The following MRPS5 variants were observed in gnomAD, a reference collection of about 807,000 sequenced individuals.
MRPS5 encodes small ribosomal subunit protein uS5m.
A neutral mutation model predicts 51.9 loss-of-function variants in MRPS5; 27 were observed. The ratio of observed to expected loss-of-function variants is 0.52; its 90% confidence interval spans 0.38 to 0.72. MRPS5 has a LOEUF of 0.72. MRPS5 is among the 30% of genes least tolerant of loss of function. The pLI, the probability that MRPS5 is intolerant of heterozygous loss-of-function variation, is 0.00. For synonymous variants in MRPS5, 196 were observed against 193.2 expected (o/e 1.01, Z -0.12); for missense variants, 570 against 545.7 (o/e 1.04, Z -0.44).
chr2:95,098,700 G>C (rs1653763702), intron 10 of MRPS5, among the ~76,000 whole-genome samples: 1 of 152,040 alleles, frequency 6.6e-6, no homozygotes, highest in African/African-American at 2.4e-5. Context: ...GTTGGGGGCA[G>C]TGGGGGAGGG....
intron 9 of MRPS5, 82 bp from the exon 10 acceptor site, chr2:95,100,618 C>T: frequency 9.3e-7 from 1 of 1,076,246 alleles, no homozygotes; most frequent in South Asian, 1.4e-5. Flanking sequence ...GCAATGTATA[C>T]TAGCCTCAAC....
In MRPS5 at chr2:95,086,953, G is replaced by A. The variant is rs2104387516; in HGVS notation, c.*404C>T. Among the ~76,000 whole-genome samples the A allele has an allele frequency of 6.6e-6, 1 of 152,250 alleles. No homozygotes were observed. Among genetic ancestry groups the A allele is most frequent in the Middle Eastern group, 3.4e-3 (1 of 294 alleles). On this transcript the variant is annotated 3_prime_UTR_variant, in exon 12 of 12. Coordinates refer to ENST00000272418, the MANE Select transcript of MRPS5 (RefSeq NM_031902.5). ...GAAAACGGTTTGGAAGTTCCTCACG[G>A]TAGTCAAGTTACTTAACTGCTCTGT...
At chr2:95,117,812 C>A in intron 2 of MRPS5, 53 bp downstream of exon 2, 1 of 1,410,566 alleles carries the variant, frequency 7.1e-7, no homozygotes, top group South Asian at 1.3e-5. Flanking sequence ...ACTACAGAAA[C>A]TACTTTGACA....
intron 10 of MRPS5, among the ~76,000 whole-genome samples, chr2:95,096,990 G>A (rs1391255893): frequency 6.6e-6 from 1 of 152,172 alleles, no homozygotes; most frequent in East Asian, 1.9e-4. Flanking sequence ...CTTCAGCAAA[G>A]TCTCAGGATA....
chr2:95,118,049 G>A (rs1053949029), intron 1 of MRPS5, 104 bp from the exon 2 acceptor site: 16 of 800,942 alleles, frequency 2.0e-5, no homozygotes, highest in Admixed American at 3.2e-5. Flanking sequence ...GAACCAAGAC[G>A]AGGGAGTAAG....
intron 10 of MRPS5, among the ~76,000 whole-genome samples, chr2:95,096,506 T>C (rs1357213785): frequency 6.6e-6 from 1 of 152,174 alleles, no homozygotes; most frequent in Admixed American, 6.5e-5. Context: ...AAGCCAGCTT[T>C]ATTCCTGGGA....
At chr2:95,103,667 CAACTT>C (rs1310648215) in intron 7 of MRPS5, 2 of 152,056 alleles carry the variant, frequency 1.3e-5, no homozygotes, top group East Asian at 1.9e-4. Context: ...AATTTGGAAA[CAACTT>C]AAATATTCAG....
In MRPS5 at chr2:95,087,226, T is replaced by C; in HGVS notation, c.*131A>G. On this transcript the variant is annotated 3_prime_UTR_variant, in exon 12 of 12. Coordinates refer to ENST00000272418, the MANE Select transcript of MRPS5 (RefSeq NM_031902.5). ...AACAAATGAAAGCTATAATTATTTATTTCCAAAGAGTTTAAAGATTAAACT... is the reference window on the plus strand; with the variant it reads ...AACAAATGAAAGCTATAATTATTTACTTCCAAAGAGTTTAAAGATTAAACT... 1.6e-6 allele frequency: 1 copy of C among 637,926 alleles called. No homozygotes were observed. The highest frequency in any genetic ancestry group is 2.1e-5 in the South Asian group (1 of 47,266). 39.5% of individuals were successfully genotyped at this position (637,926 alleles called of 1,614,324 possible).
chr2:95,116,274 TTTAA>T (rs1471375310), intron 2 of MRPS5, among the ~76,000 whole-genome samples: 4 of 151,340 alleles, frequency 2.6e-5, no homozygotes, highest in Non-Finnish European at 4.4e-5. Context: ...ATATTAAATA[TTTAA>T]TTATTAACTT....
chr2:95,086,346 AAAATAAACC>A lies in MRPS5; in HGVS notation c.*1002_*1010del, dbSNP rs1184266839. 6.6e-6 allele frequency among the ~76,000 whole-genome samples: 1 copy of A among 152,254 alleles called. No individual in the cohort carries two copies. The highest frequency in any genetic ancestry group is 1.5e-5 in the Non-Finnish European group (1 of 68,032). Reference sequence around the variant, plus strand: ...CTCAGCAAATAAAGAGAAGACATAAAAAATAAACCAAATGGAAATTTTAACTGAAATATA... The same window carrying A: ...CTCAGCAAATAAAGAGAAGACATAAAAAATGGAAATTTTAACTGAAATATA... On this transcript the variant is annotated 3_prime_UTR_variant, in exon 12 of 12. Transcript: ENST00000272418.
chr2:95,114,900 C>CAT (rs1423737903), intron 3 of MRPS5, among the ~76,000 whole-genome samples, 166 bp downstream of exon 3: 1 of 152,152 alleles, frequency 6.6e-6, no homozygotes, highest in Non-Finnish European at 1.5e-5. Flanking sequence ...CAACTGGTAG[C>CAT]ATGTGAGATA....
chr2:95,087,322 G>C lies in MRPS5; in HGVS notation c.*35C>G. On this transcript the variant is annotated 3_prime_UTR_variant, in exon 12 of 12. Coordinates refer to ENST00000272418, the MANE Select transcript of MRPS5 (RefSeq NM_031902.5). ...GGGCTGAGTCTCTCCTAGGTGCAGG[G>C]CAGCACAGGAACTGGCTGCACAAGG... The C allele has an allele frequency of 6.4e-7, 1 of 1,562,126 alleles. No individual in the cohort carries two copies.
chr2:95,096,344 C>A lies in MRPS5; in HGVS notation c.931+4130G>T, dbSNP rs540599557. ...TCCCTAACTCATTTTATGAGGCCAG[C>A]ATCATCCTGATACTAAAGCCTGGCA... On this transcript the variant is annotated intron_variant, in intron 10 of 11. Transcript: ENST00000272418. 6.5e-4 allele frequency among the ~76,000 whole-genome samples: 99 copies of A among 152,178 alleles called. 1 individual carries two copies. Among genetic ancestry groups the A allele is most frequent in the Non-Finnish European group, 1.0e-3 (71 of 68,020 alleles).
chr2:95,091,426 A>C (rs1431737415), intron 10 of MRPS5: 1 of 152,236 alleles, frequency 6.6e-6, no homozygotes, highest in African/African-American at 2.4e-5. Context: ...CTACTCTAAC[A>C]CAGTACCCTG....
intron 9 of MRPS5, 124 bp downstream of exon 9, chr2:95,100,713 T>A (rs1675769746): frequency 3.1e-5 from 28 of 903,708 alleles, no homozygotes; most frequent in Non-Finnish European, 4.6e-5. Context: ...GTTTTCACAC[T>A]TCATATATTT....
intron 3 of MRPS5, among the ~76,000 whole-genome samples, chr2:95,113,403 G>C (rs1573349216): frequency 6.6e-6 from 1 of 152,056 alleles, no homozygotes; most frequent in East Asian, 1.9e-4. Flanking sequence ...TTGAACCCAG[G>C]AGGTGCAGGT....
At chr2:95,095,487 G>T (rs1158572631) in intron 10 of MRPS5, among the ~76,000 whole-genome samples, 1 of 152,214 alleles carries the variant, frequency 6.6e-6, no homozygotes, top group African/African-American at 2.4e-5. Flanking sequence ...TAAGAGAACA[G>T]AAATCACAAC....
chr2:95,086,296 GA>G lies in MRPS5; in HGVS notation c.*1060del, dbSNP rs989980187. Among the ~76,000 whole-genome samples, 8 of 148,790 alleles carry G rather than the reference GA, an allele frequency of 5.4e-5. No individual in the cohort carries two copies. Among genetic ancestry groups the G allele is most frequent in the Admixed American group, 4.0e-4 (6 of 15,014 alleles). ...ATAAACACTCTTGAAGCCATTTAAAGAAAAAAAAAGTCTCAGCAAATAGCCT... is the reference window on the plus strand; with the variant it reads ...ATAAACACTCTTGAAGCCATTTAAAGAAAAAAAAGTCTCAGCAAATAGCCT... On this transcript the variant is annotated 3_prime_UTR_variant, in exon 12 of 12. Transcript: ENST00000272418.
chr2:95,088,561 G>T (rs954805378), intron 11 of MRPS5, among the ~76,000 whole-genome samples: 6 of 152,202 alleles, frequency 3.9e-5, no homozygotes, highest in African/African-American at 1.4e-4. Context: ...TGTGAAATTA[G>T]AAAACAGATG....
Sources: gnomAD v4.1 joint callset for allele counts (sites outside exome capture counted in the v4.1 genomes callset) on GRCh38, gnomAD v4.1.1 for gene constraint, MANE v1.5 for transcripts, NCBI Gene and HGNC (gene_info 2026-07-23, HGNC 2026-07-21) for gene names.